The following MAF variants were observed in gnomAD, a reference collection of about 807,000 sequenced individuals.
MAF encodes the protein MAF bZIP transcription factor.
MAF carries 10 observed loss-of-function variants against 22.0 expected under a neutral mutation model. That is an observed-to-expected ratio of 0.45 (90% CI 0.28 to 0.77). The LOEUF is 0.77. Ranked by LOEUF, MAF falls within the 30% of genes least tolerant of loss-of-function variation. The pLI, the probability that MAF is intolerant of heterozygous loss-of-function variation, is 0.12. For synonymous variants in MAF, 337 were observed against 255.8 expected (o/e 1.32, Z -3.03); for missense variants, 544 against 548.4 (o/e 0.99, Z 0.08).
the MAF span, among the ~76,000 whole-genome samples, chr16:79,294,765 G>T: frequency 1.3e-5 from 2 of 152,182 alleles, no homozygotes; most frequent in South Asian, 2.1e-4. Context: ...TGCACTGGTT[G>T]CACAGGGCCA....
At chr16:79,244,063 TCTCAA>T in the MAF span, among the ~76,000 whole-genome samples, 1 of 152,012 alleles carries the variant, frequency 6.6e-6, no homozygotes, top group Non-Finnish European at 1.5e-5. Context: ...ATGGAACGTA[TCTCAA>T]AATAATAAGA....
chr16:79,457,757 G>A, the MAF span, among the ~76,000 whole-genome samples: 1 of 152,078 alleles, frequency 6.6e-6, no homozygotes, highest in Non-Finnish European at 1.5e-5. Context: ...TTGTGGTGGG[G>A]CAGGCACCCC....
the MAF span, chr16:79,204,919 C>T: frequency 1.2e-4 from 18 of 152,244 alleles, no homozygotes; most frequent in African/African-American, 4.3e-4. Flanking sequence ...CCAATTCATT[C>T]TCCTCTCTTC....
the MAF span, among the ~76,000 whole-genome samples, chr16:79,424,715 A>C: frequency 6.6e-6 from 1 of 152,160 alleles, no homozygotes; most frequent in Non-Finnish European, 1.5e-5. Context: ...AGATGGTGTT[A>C]AACAACAACA....
At chr16:79,249,609 T>C in the MAF span, among the ~76,000 whole-genome samples, 252 of 152,210 alleles carry the variant, frequency 1.7e-3, 1 homozygote, top group Non-Finnish European at 3.1e-3. Context: ...ATAAATTACA[T>C]GGTTTAAGGT....
chr16:79,548,780 T>C, the MAF span, among the ~76,000 whole-genome samples: 3 of 152,110 alleles, frequency 2.0e-5, no homozygotes, highest in African/African-American at 7.2e-5. Context: ...AGACACTACA[T>C]AGAAAAAGAC....
the MAF span, among the ~76,000 whole-genome samples, chr16:79,231,456 A>G: frequency 6.6e-6 from 1 of 152,128 alleles, no homozygotes; most frequent in Non-Finnish European, 1.5e-5. Flanking sequence ...CATCTATTGA[A>G]TGGAACAGAA....
At chr16:79,271,341 C>A in the MAF span, among the ~76,000 whole-genome samples, 1 of 152,182 alleles carries the variant, frequency 6.6e-6, no homozygotes, top group Non-Finnish European at 1.5e-5. Flanking sequence ...AATAAAATTT[C>A]CCAGCCTCCC....
the MAF span, among the ~76,000 whole-genome samples, chr16:79,526,053 T>C: frequency 6.6e-6 from 1 of 152,222 alleles, no homozygotes; most frequent in Non-Finnish European, 1.5e-5. Flanking sequence ...GGTGAAATGA[T>C]ATGAATTAAC....
the MAF span, among the ~76,000 whole-genome samples, chr16:79,301,268 G>A: frequency 6.6e-5 from 10 of 152,138 alleles, no homozygotes; most frequent in Non-Finnish European, 1.3e-4. Flanking sequence ...TTGAATGCCC[G>A]CTAGCCTGCT....
chr16:79,598,572 A>G, intron 1 of MAF: 3 of 1,379,140 alleles, frequency 2.2e-6, no homozygotes, highest in Non-Finnish European at 2.8e-6. Flanking sequence ...AAACTCGAGC[A>G]GGGTGTGGGG....
the MAF span, among the ~76,000 whole-genome samples, chr16:79,279,304 CTT>C: frequency 6.6e-6 from 1 of 152,150 alleles, no homozygotes; most frequent in Non-Finnish European, 1.5e-5. Flanking sequence ...TCACTGTCCT[CTT>C]TTGGAAAGTG....
the MAF span, among the ~76,000 whole-genome samples, chr16:79,437,325 T>C: frequency 6.6e-6 from 1 of 152,158 alleles, no homozygotes; most frequent in Non-Finnish European, 1.5e-5. Flanking sequence ...TAATCCCCCG[T>C]GTAAAACGGG....
chr16:79,266,540 T>C, the MAF span, among the ~76,000 whole-genome samples: 2 of 152,170 alleles, frequency 1.3e-5, no homozygotes, highest in Non-Finnish European at 2.9e-5. Context: ...TATGGAACAC[T>C]TGGACTGGGT....
chr16:79,440,975 G>A, the MAF span, among the ~76,000 whole-genome samples: 16 of 152,272 alleles, frequency 1.1e-4, no homozygotes, highest in African/African-American at 3.1e-4. Context: ...GCTATTATGC[G>A]GTGATGTGGA....
the MAF span, among the ~76,000 whole-genome samples, chr16:79,439,665 A>G: frequency 6.6e-6 from 1 of 152,212 alleles, no homozygotes; most frequent in African/African-American, 2.4e-5. Context: ...CATTGGATGG[A>G]AAGATGCAAA....
At chr16:79,263,009 C>T in the MAF span, among the ~76,000 whole-genome samples, 1 of 152,176 alleles carries the variant, frequency 6.6e-6, no homozygotes, top group African/African-American at 2.4e-5. Context: ...AATTCGGAGA[C>T]AGTCATTTCA....
At chr16:79,526,407 A>G in the MAF span, among the ~76,000 whole-genome samples, 1 of 152,162 alleles carries the variant, frequency 6.6e-6, no homozygotes. Flanking sequence ...TCTGGCGGTA[A>G]TGGGAGTGAT....
chr16:79,333,381 G>T, the MAF span, among the ~76,000 whole-genome samples: 1 of 152,138 alleles, frequency 6.6e-6, no homozygotes. Flanking sequence ...AGGGGACTTT[G>T]CAGGGGAGAG....
Sources: gnomAD v4.1 joint callset for allele counts (sites outside exome capture counted in the v4.1 genomes callset) on GRCh38, gnomAD v4.1.1 for gene constraint, MANE v1.5 for transcripts, NCBI Gene and HGNC (gene_info 2026-07-23, HGNC 2026-07-21) for gene names.